AKAP10: variants seen among roughly 807,000 people sequenced by gnomAD.
The protein encoded by AKAP10 is A-kinase anchoring protein 10.
AKAP10 carries 24 observed loss-of-function variants against 80.8 expected under a neutral mutation model. That is an observed-to-expected ratio of 0.30 (90% CI 0.22 to 0.42). The LOEUF (loss-of-function observed/expected upper bound fraction) is 0.42, where lower values mean the gene tolerates loss of function less well. Among genes scored for constraint, AKAP10 ranks in the 10% least tolerant of loss-of-function variants. The pLI, the probability that AKAP10 is intolerant of heterozygous loss-of-function variation, is 1.00. For synonymous variants in AKAP10, 291 were observed against 277.7 expected (o/e 1.05, Z -0.48); for missense variants, 661 against 794.9 (o/e 0.83, Z 2.03).
chr17:19,941,743 T>C (rs2043052621), intron 6 of AKAP10, 83 bp downstream of exon 6: 3 of 948,506 alleles, frequency 3.2e-6, no homozygotes, highest in Admixed American at 3.4e-5. Flanking sequence ...AAAAATACTT[T>C]GTTTTTAGCT....
intron 7 of AKAP10, among the ~76,000 whole-genome samples, chr17:19,940,669 G>A (rs902000409): frequency 6.6e-6 from 1 of 152,008 alleles, no homozygotes; most frequent in Non-Finnish European, 1.5e-5. Flanking sequence ...AGTTTAATTA[G>A]GTTTCTCAAA....
At chr17:19,915,766 T>A (rs1450868823) in intron 12 of AKAP10, among the ~76,000 whole-genome samples, 1 of 152,206 alleles carries the variant, frequency 6.6e-6, no homozygotes, top group African/African-American at 2.4e-5. Flanking sequence ...CACACCACCA[T>A]CATCCCTTAC....
chr17:19,948,494 G>A (rs1486823398), intron 4 of AKAP10, among the ~76,000 whole-genome samples: 1 of 152,148 alleles, frequency 6.6e-6, no homozygotes, highest in Non-Finnish European at 1.5e-5. Context: ...AGCCACAGCA[G>A]CAATGACAGC....
At chr17:19,927,255 G>T (rs1029552393) in intron 10 of AKAP10, among the ~76,000 whole-genome samples, 1 of 152,008 alleles carries the variant, frequency 6.6e-6, no homozygotes, top group Non-Finnish European at 1.5e-5. Context: ...GATCACTTCG[G>T]CCCAGGAAGT....
At chr17:19,943,934 C>T (rs2043076493) in intron 5 of AKAP10, among the ~76,000 whole-genome samples, 1 of 151,914 alleles carries the variant, frequency 6.6e-6, no homozygotes, top group Non-Finnish European at 1.5e-5. Context: ...AAACCCCACA[C>T]AACTAGAGTC....
chr17:19,938,122 T>G (rs1426981529), intron 8 of AKAP10, among the ~76,000 whole-genome samples: 1 of 152,022 alleles, frequency 6.6e-6, no homozygotes, highest in Non-Finnish European at 1.5e-5. Context: ...AGACAAGGTT[T>G]CACTATGTTG....
At chr17:19,956,220 G>A (rs1159644298) in intron 4 of AKAP10, among the ~76,000 whole-genome samples, 1 of 152,166 alleles carries the variant, frequency 6.6e-6, no homozygotes, top group Non-Finnish European at 1.5e-5. Context: ...GGTACCAGAA[G>A]GGTAGTGACC....
At chr17:19,910,779 TA>T (rs5819690) in intron 12 of AKAP10, among the ~76,000 whole-genome samples, 42,615 of 152,046 alleles carry the variant, frequency 0.28, 6,435 homozygotes, top group African/African-American at 0.38. Context: ...TCTAGTTCTC[TA>T]GTCTATATAA....
chr17:19,949,447 G>A (rs1201964836), intron 4 of AKAP10, among the ~76,000 whole-genome samples: 1 of 152,006 alleles, frequency 6.6e-6, no homozygotes, highest in African/African-American at 2.4e-5. Context: ...ATCCTAGAAG[G>A]AAAAGAGAAA....
At chr17:19,962,721 T>C in intron 3 of AKAP10, 119 bp downstream of exon 3, 5 of 1,058,156 alleles carry the variant, frequency 4.7e-6, no homozygotes, top group Non-Finnish European at 6.7e-6. Flanking sequence ...GCTGTTATTT[T>C]AAATACATTT....
At chr17:19,927,555 T>C (rs994819973) in intron 10 of AKAP10, among the ~76,000 whole-genome samples, 2 of 151,988 alleles carry the variant, frequency 1.3e-5, no homozygotes, top group Non-Finnish European at 2.9e-5. Context: ...TCCCCACACT[T>C]TGGGAGGCCA....
chr17:19,958,143 G>C lies in AKAP10; in HGVS notation c.748C>G (p.Leu250Val), dbSNP rs1208451559. 6.2e-7 allele frequency: 1 copy of C among 1,614,156 alleles called. No homozygotes were observed. The highest frequency in any genetic ancestry group is 1.7e-5 in the Admixed American group (1 of 60,020). The change falls in exon 4 of 15, where the codon CTT becomes GTT. Residue 250 changes from leucine to valine, a missense_variant. Coordinates refer to ENST00000225737, the MANE Select transcript of AKAP10 (RefSeq NM_007202.4). ...TGAGTTCCTGCTCTGGCCATTTCAA[G>C]ACGGAGAGAATGGGCACTGTCACAT... ...QECDSAHSLR[L>V]EMARAGTHQV...
rs755507353 is a variant in AKAP10 at position 19,931,899 on chromosome 17, T to A, written c.1547A>T (p.Glu516Val). Residue 516 changes from glutamate (E) to valine (V), a missense_variant, in exon 10 of 15, where the codon GAA becomes GTA. By Grantham distance (121) the Glu-to-Val change is moderately radical. Transcript: ENST00000225737. The part of the protein sequence containing the change: ...NDLIHSVRGD[E>V]FLGGNVSLTA... ...CAGCGACACGTTCCCGCCCAGAAAT[T>A]CATCTCCTCGAACCGAATGGATGAG... 25 of 1,613,964 alleles carry A rather than the reference T, an allele frequency of 1.5e-5. No individual in the cohort carries two copies. Among genetic ancestry groups the A allele is most frequent in the Non-Finnish European group, 2.1e-5 (25 of 1,180,016 alleles).
intron 4 of AKAP10, among the ~76,000 whole-genome samples, chr17:19,948,147 G>A (rs2043156020): frequency 6.6e-6 from 1 of 152,128 alleles, no homozygotes; most frequent in Admixed American, 6.5e-5. Context: ...AGTATGTCAA[G>A]ATGAAATAAG....
At chr17:19,943,946 T>C (rs1205252628) in intron 5 of AKAP10, among the ~76,000 whole-genome samples, 1 of 151,838 alleles carries the variant, frequency 6.6e-6, no homozygotes, top group Non-Finnish European at 1.5e-5. Flanking sequence ...ACTAGAGTCA[T>C]GGAAGGGTTC....
intron 12 of AKAP10, among the ~76,000 whole-genome samples, chr17:19,911,835 C>CAAAAAAAAAAAAAAAAAAAAAAAA (rs71157844): frequency 5.5e-5 from 3 of 55,008 alleles, no homozygotes; most frequent in Non-Finnish European, 1.1e-4. Flanking sequence ...AACTCTGTCA[C>CAAAAAAAAAAAAAAAAAAAAAAAA]AAAAAAAAAA....
chr17:19,929,999 C>CAAAAAAAAAAAAAAAAAAAACAAAAAA (rs2042915680), intron 10 of AKAP10, among the ~76,000 whole-genome samples: 1 of 81,846 alleles, frequency 1.2e-5, no homozygotes, highest in Non-Finnish European at 2.6e-5. Context: ...CAACAAAAAC[C>CAAAAAAAAAAAAAAAAAAAACAAAAAA]AAAAAAAAAA....
intron 11 of AKAP10, among the ~76,000 whole-genome samples, chr17:19,922,403 ATATTAAAACCATCTT>A (rs1480590729): frequency 7.9e-5 from 12 of 152,144 alleles, no homozygotes; most frequent in African/African-American, 2.9e-4. Flanking sequence ...ACTAAAACAT[ATATTAAAACCATCTT>A]TATTTATTTA....
intron 1 of AKAP10, among the ~76,000 whole-genome samples, chr17:19,972,829 T>C (rs1030097856): frequency 3.3e-5 from 5 of 152,200 alleles, no homozygotes; most frequent in African/African-American, 1.2e-4. Context: ...TTAAGCAATA[T>C]CCCTTCCTAT....
Sources: gnomAD v4.1 joint callset for allele counts (sites outside exome capture counted in the v4.1 genomes callset) on GRCh38, gnomAD v4.1.1 for gene constraint, MANE v1.5 for transcripts, NCBI Gene and HGNC (gene_info 2026-07-23, HGNC 2026-07-21) for gene names.